PDS5B: variants seen among roughly 807,000 people sequenced by gnomAD.
PDS5B encodes sister chromatid cohesion protein PDS5 homolog B.
A neutral mutation model predicts 184.1 loss-of-function variants in PDS5B; 51 were observed. The ratio of observed to expected loss-of-function variants is 0.28; its 90% CI spans 0.22 to 0.35. The LOEUF (loss-of-function observed/expected upper bound fraction) is 0.35, where lower values mean the gene tolerates loss of function less well. PDS5B is among the 10% of genes least tolerant of loss of function. The probability of loss-of-function intolerance (pLI) is 1.00; values close to 1 mark genes in which losing one functional copy is unlikely to be tolerated. For synonymous variants in PDS5B, 566 were observed against 569.2 expected (o/e 0.99, Z 0.08); for missense variants, 1,180 against 1,723.3 (o/e 0.68, Z 5.58).
intron 3 of PDS5B, 29 bp downstream of exon 3, chr13:32,652,036 T>C (rs1196358810): frequency 7.1e-7 from 1 of 1,403,792 alleles, no homozygotes. Flanking sequence ...AACTCCAAGA[T>C]TGACCGATAC....
At position 32,697,778 on chromosome 13, in the gene PDS5B, A is replaced by C. The variant is rs575775627; in HGVS notation, c.1600+876A>C. ...AGGGCTGGAGTGCAGTGGCACAATC[A>C]TAACTCAAAGCTATCTTGACCTCCT... On this transcript the variant is annotated intron_variant, in intron 15 of 34. Coordinates refer to ENST00000315596, the MANE Select transcript of PDS5B (RefSeq NM_015032.4). Among the ~76,000 whole-genome samples the C allele has an allele frequency of 2.0e-5, 3 of 152,278 alleles. No homozygotes were observed. In the East Asian group the frequency reaches 5.8e-4, roughly 29 times the overall value.
At chr13:32,648,332 A>G (rs1447106517) in intron 1 of PDS5B, among the ~76,000 whole-genome samples, 1 of 152,114 alleles carries the variant, frequency 6.6e-6, no homozygotes, top group East Asian at 1.9e-4. Flanking sequence ...TGAATCCCAC[A>G]TTTGTCAGAA....
intron 13 of PDS5B, chr13:32,690,949 C>T (rs1057202691): frequency 4.0e-5 from 6 of 151,846 alleles, no homozygotes; most frequent in African/African-American, 7.3e-5. Flanking sequence ...TTATACTTAC[C>T]AGTATTTTAG....
intron 24 of PDS5B, among the ~76,000 whole-genome samples, 178 bp from the exon 25 acceptor site, chr13:32,753,154 A>G (rs1285424088): frequency 3.3e-5 from 5 of 152,202 alleles, no homozygotes; most frequent in African/African-American, 1.2e-4. Flanking sequence ...GCCCAGATGA[A>G]TATTGCAGCT....
chr13:32,751,787 CT>C lies in PDS5B; in HGVS notation c.2737-1544del, dbSNP rs571379211. On this transcript the variant is annotated intron_variant, in intron 24 of 34. Transcript: ENST00000315596. ...TGGATGCATAGTTTGCAAAAATTTT[CT>C]CCCATTCTGTAGTTTGTCTGTTTAC... is the stretch of plus-strand genomic sequence containing the variant. Among the ~76,000 whole-genome samples the C allele has an allele frequency of 6.0e-3, 910 of 151,942 alleles. 3 individuals are homozygous for C. The highest frequency in any genetic ancestry group is 9.9e-3 in the Non-Finnish European group (670 of 67,932).
At chr13:32,668,190 T>C (rs1002967166) in intron 7 of PDS5B, among the ~76,000 whole-genome samples, 5 of 152,176 alleles carry the variant, frequency 3.3e-5, no homozygotes, top group African/African-American at 9.7e-5. Context: ...TCAGAGACGT[T>C]GCTTACAGGT....
At chr13:32,689,074 G>A (rs1380823538) in intron 13 of PDS5B, 1 of 157,842 alleles carries the variant, frequency 6.3e-6, no homozygotes, top group Non-Finnish European at 1.4e-5. Context: ...GTACTTTTGG[G>A]TGTTTAGGTA....
intron 1 of PDS5B, among the ~76,000 whole-genome samples, chr13:32,615,484 T>C (rs2058204462): frequency 6.6e-6 from 1 of 152,228 alleles, no homozygotes; most frequent in Non-Finnish European, 1.5e-5. Flanking sequence ...AGCATGTGTA[T>C]TGAATCATCA....
At chr13:32,754,253 A>T (rs1954092020) in intron 25 of PDS5B, among the ~76,000 whole-genome samples, 1 of 152,114 alleles carries the variant, frequency 6.6e-6, no homozygotes, top group Admixed American at 6.6e-5. Flanking sequence ...TCTAAAACAG[A>T]TTAGATCACA....
At chr13:32,651,701 A>G (rs1441877962) in intron 2 of PDS5B, 103 bp from the exon 3 acceptor site, 10 of 641,580 alleles carry the variant, frequency 1.6e-5, no homozygotes, top group Non-Finnish European at 2.7e-5. Context: ...AAATGAAAGT[A>G]TATTCATTTG....
chr13:32,633,325 TAAA>T (rs59115628), intron 1 of PDS5B, among the ~76,000 whole-genome samples: 1 of 152,148 alleles, frequency 6.6e-6, no homozygotes, highest in East Asian at 1.9e-4. Context: ...ATATTTTACA[TAAA>T]AAAAGTATTA....
intron 34 of PDS5B, 90 bp downstream of exon 34, chr13:32,773,414 A>G (rs889423735): frequency 2.6e-6 from 3 of 1,141,640 alleles, no homozygotes; most frequent in East Asian, 2.5e-5. Context: ...TTTAGTATTT[A>G]TATGTTTTAC....
At chr13:32,664,421 G>A (rs1266243890) in intron 6 of PDS5B, among the ~76,000 whole-genome samples, 1 of 152,154 alleles carries the variant, frequency 6.6e-6, no homozygotes, top group Admixed American at 6.5e-5. Context: ...ACCGTAATGT[G>A]TATCACCTTT....
In PDS5B at chr13:32,656,999, A is replaced by G. The variant is rs141301889; in HGVS notation, c.313-1240A>G. ...GCTGAAGATTGTTTTATGGCTTATTATGTGGTCAGTTTTAGAGTATGTGCC... is the reference window on the plus strand; with the variant it reads ...GCTGAAGATTGTTTTATGGCTTATTGTGTGGTCAGTTTTAGAGTATGTGCC... On this transcript the variant is annotated intron_variant, in intron 3 of 34. Transcript: ENST00000315596. Among the ~76,000 whole-genome samples, 96 of 152,334 alleles carry G rather than the reference A, an allele frequency of 6.3e-4. No individual in the cohort carries two copies. The East Asian group carries it at 0.017, about 27-fold the overall frequency.
At chr13:32,648,724 G>T (rs1470824363) in intron 1 of PDS5B, 30 bp from the exon 2 acceptor site, 13 of 833,314 alleles carry the variant, frequency 1.6e-5, no homozygotes, top group Admixed American at 5.9e-5. Flanking sequence ...TCTATTTTTT[G>T]GTTTGCATCT....
chr13:32,678,536 G>A (rs1222064687), intron 9 of PDS5B, among the ~76,000 whole-genome samples: 1 of 152,134 alleles, frequency 6.6e-6, no homozygotes, highest in African/African-American at 2.4e-5. Context: ...GTATTTGAGA[G>A]TATAACGTTG....
At chr13:32,737,155 A>T (rs1953361535) in intron 21 of PDS5B, among the ~76,000 whole-genome samples, 1 of 151,114 alleles carries the variant, frequency 6.6e-6, no homozygotes, top group Non-Finnish European at 1.5e-5. Context: ...TTTGTATGAA[A>T]AGTTGTTGAG....
intron 19 of PDS5B, among the ~76,000 whole-genome samples, 171 bp from the exon 20 acceptor site, chr13:32,731,930 A>T (rs889095759): frequency 1.3e-5 from 2 of 152,220 alleles, no homozygotes; most frequent in African/African-American, 4.8e-5. Flanking sequence ...CATTTTTAAT[A>T]TAAATATTTA....
At chr13:32,721,882 C>T (rs544510349) in intron 19 of PDS5B, among the ~76,000 whole-genome samples, 23 of 150,458 alleles carry the variant, frequency 1.5e-4, no homozygotes, top group African/African-American at 5.1e-4. Context: ...ACTGGGTGGC[C>T]GGGCAGAGGG....
Sources: allele counts gnomAD v4.1 joint callset (sites outside exome capture counted in the v4.1 genomes callset), GRCh38; gene constraint gnomAD v4.1.1; transcripts MANE v1.5; gene names NCBI Gene and HGNC (gene_info 2026-07-23, HGNC 2026-07-21).